Variants in ALS2 observed in about 807,000 individuals in gnomAD.
The protein encoded by ALS2 is alsin.
Under a neutral mutation model 203.4 loss-of-function variants are expected in ALS2, and 117 were observed. The observed-to-expected ratio is 0.58, with a 90% CI of 0.50 to 0.67. The LOEUF is 0.67. Among genes scored for constraint, ALS2 ranks in the 30% least tolerant of loss-of-function variants. ALS2 has a pLI of 0.00. For missense variants in ALS2, 1,715 were observed against 1,989.4 expected (o/e 0.86, Z 2.62); for synonymous variants, 718 against 725.9 (o/e 0.99, Z 0.17).
Position 201,704,446 on chromosome 2 carries a change from A to T in ALS2, c.4838+8T>A, listed in dbSNP as rs1396610786. 6.2e-7 allele frequency: 1 copy of T among 1,614,072 alleles called. No individual in the cohort carries two copies. The highest frequency in any genetic ancestry group is 8.5e-7 in the Non-Finnish European group (1 of 1,179,972). On this transcript the variant is annotated splice_region_variant and intron_variant, in intron 32 of 33. Transcript: ENST00000264276. ...GACTCACTAATAACAAAGTCATAAA[A>T]CAGTTACCTGGCCCGTAGCACCACA...
At chr2:201,750,168 CAAA>C (rs200148047) in intron 7 of ALS2, among the ~76,000 whole-genome samples, 4 of 114,800 alleles carry the variant, frequency 3.5e-5, no homozygotes, top group Non-Finnish European at 1.9e-5. Context: ...GTCGGTATCC[CAAA>C]AAAAAAAAAA....
intron 13 of ALS2, among the ~76,000 whole-genome samples, chr2:201,730,629 G>GT (rs201123644): frequency 9.4e-5 from 14 of 148,684 alleles, no homozygotes; most frequent in East Asian, 2.0e-4. Context: ...GTCCTTTCAA[G>GT]TTTAAAAAAA....
chr2:201,721,428 A>G (rs1208431881), intron 23 of ALS2, among the ~76,000 whole-genome samples: 1 of 152,198 alleles, frequency 6.6e-6, no homozygotes, highest in South Asian at 2.1e-4. Context: ...ATCAACAGTA[A>G]TCTAGATGGT....
chr2:201,769,226 T>C (rs1443897436), intron 1 of ALS2, among the ~76,000 whole-genome samples: 2 of 152,162 alleles, frequency 1.3e-5, no homozygotes, highest in African/African-American at 2.4e-5. Flanking sequence ...ATTTTGTTTT[T>C]TATTATAAAG....
In ALS2 at chr2:201,708,125, T is replaced by C. The variant is rs1689840535; in HGVS notation, c.4281-134A>G. The C allele has an allele frequency of 5.3e-6, 4 of 751,852 alleles. No individual in the cohort carries two copies. The East Asian group carries it at 1.2e-4, about 22-fold the overall frequency. The allele number at this position is 751,852 out of a possible 1,614,324, so 46.6% of individuals were successfully genotyped here. A position where few individuals can be genotyped will look rare whatever the true frequency, so the allele number is the denominator to read the frequency against. On this transcript the variant is annotated intron_variant, in intron 27 of 33. Coordinates refer to ENST00000264276, the MANE Select transcript of ALS2 (RefSeq NM_020919.4). Reference sequence around the variant, plus strand: ...TATTTTAGTTCCCTGAGAAAACTGATGTTTCTAACAGGATAAAATTAAGAA... The same window carrying C: ...TATTTTAGTTCCCTGAGAAAACTGACGTTTCTAACAGGATAAAATTAAGAA...
intron 8 of ALS2, 82 bp downstream of exon 8, chr2:201,749,630 A>C: frequency 7.7e-7 from 1 of 1,294,988 alleles, no homozygotes. Flanking sequence ...TTCCCCCGAT[A>C]TTTTAAAATA....
intron 29 of ALS2, among the ~76,000 whole-genome samples, chr2:201,706,404 A>C (rs1393393858): frequency 6.6e-6 from 1 of 151,126 alleles, no homozygotes; most frequent in Non-Finnish European, 1.5e-5. Context: ...AAAAAAAAAA[A>C]AACACTTCAA....
chr2:201,744,608 A>C (rs192213646), intron 9 of ALS2, among the ~76,000 whole-genome samples, 179 bp from the exon 10 acceptor site: 47 of 152,278 alleles, frequency 3.1e-4, no homozygotes, highest in African/African-American at 1.1e-3. Context: ...ATCTGCAAGC[A>C]CCACAGACTA....
At chr2:201,746,859 C>T in intron 8 of ALS2, 111 bp from the exon 9 acceptor site, 1 of 1,246,210 alleles carries the variant, frequency 8.0e-7, no homozygotes, top group Non-Finnish European at 1.2e-6. Context: ...TGCAGTCAGT[C>T]ATATCTGAGA....
At chr2:201,744,219 T>C in intron 10 of ALS2, 39 bp downstream of exon 10, 1 of 1,585,710 alleles carries the variant, frequency 6.3e-7, no homozygotes, top group Middle Eastern at 1.7e-4. Flanking sequence ...GATAAAGACC[T>C]GATGGTTTAA....
intron 4 of ALS2, chr2:201,759,322 TGA>T (rs1477076743): frequency 1.2e-6 from 1 of 859,132 alleles, no homozygotes; most frequent in Non-Finnish European, 1.4e-6. Context: ...ATTTCCCAAG[TGA>T]GAGAGTCTCA....
At chr2:201,777,238 A>G (rs1179886750) in intron 1 of ALS2, among the ~76,000 whole-genome samples, 1 of 152,016 alleles carries the variant, frequency 6.6e-6, no homozygotes, top group Non-Finnish European at 1.5e-5. Flanking sequence ...TAGAATGTTA[A>G]TTCCCCTGCA....
At chr2:201,743,622 T>C (rs1003810172) in intron 10 of ALS2, among the ~76,000 whole-genome samples, 1 of 152,052 alleles carries the variant, frequency 6.6e-6, no homozygotes, top group Non-Finnish European at 1.5e-5. Flanking sequence ...GTAGCTGGAA[T>C]TACAGGCACC....
At chr2:201,760,647 A>AC (rs1693704109) in intron 4 of ALS2, 1 of 1,327,306 alleles carries the variant, frequency 7.5e-7, no homozygotes, top group East Asian at 2.8e-5. Flanking sequence ...TACTTATAAA[A>AC]CAAGCCCAAC....
chr2:201,706,742 A>T (rs1689741601), intron 29 of ALS2, 104 bp downstream of exon 29: 6 of 1,182,820 alleles, frequency 5.1e-6, no homozygotes, highest in Non-Finnish European at 7.4e-6. Context: ...AAAAATAATT[A>T]CAAGCCATAT....
chr2:201,723,288 T>A (rs775662238), intron 22 of ALS2, 42 bp downstream of exon 22: 2 of 1,516,428 alleles, frequency 1.3e-6, no homozygotes, highest in African/African-American at 1.4e-5. Context: ...ACAAAGGAGC[T>A]TTAAAAAGTT....
Position 201,725,399 on chromosome 2 carries a change from C to T in ALS2, c.3304G>A (p.Gly1102Ser). ...CACATTTTTCCTTCTTTCCAATGGC[C>T]CACATAATGGTCTTCTTTGTTCATT... The part of the protein sequence containing the change: ...KAMNKEDHYV[G>S]HWKEGKMCGQ... Residue 1102 changes from glycine (G) to serine (S), a missense_variant, in exon 20 of 34, where the codon GGC becomes AGC. Physicochemically the swap from Gly to Ser is moderately conservative, Grantham distance 56. Around this residue, in one of 3 missense-constraint regions of ALS2, gnomAD observed 1,227 missense variants for 1,413.5 expected, o/e 0.87. Transcript: ENST00000264276. 1 of 1,614,044 alleles carries T rather than the reference C, an allele frequency of 6.2e-7. No individual in the cohort carries two copies. Among genetic ancestry groups the T allele is most frequent in the Non-Finnish European group, 8.5e-7 (1 of 1,179,990 alleles).
intron 1 of ALS2, among the ~76,000 whole-genome samples, chr2:201,780,629 G>A (rs756026330): frequency 2.6e-5 from 4 of 152,236 alleles, no homozygotes; most frequent in South Asian, 2.1e-4. Flanking sequence ...GGGAGAGACC[G>A]GGGCAAGTGG....
intron 25 of ALS2, among the ~76,000 whole-genome samples, chr2:201,714,033 G>A (rs1159014094): frequency 2.0e-5 from 3 of 152,164 alleles, no homozygotes; most frequent in African/African-American, 7.2e-5. Flanking sequence ...TGCAATCCCA[G>A]CACTTTGTGA....
Sources: allele counts gnomAD v4.1 joint callset (sites outside exome capture counted in the v4.1 genomes callset), GRCh38; gene constraint gnomAD v4.1.1; regional missense constraint gnomAD v4.1.1; transcripts MANE v1.5; gene names NCBI Gene and HGNC (gene_info 2026-07-23, HGNC 2026-07-21).